The following HMGA2 variants were observed in gnomAD, a reference collection of about 807,000 sequenced individuals.
HMGA2 encodes high mobility group AT-hook 2, also known as high mobility group protein HMGI-C.
HMGA2 carries 8 observed loss-of-function variants against 19.1 expected under a neutral mutation model. The ratio of observed to expected loss-of-function variants is 0.42; its 90% CI spans 0.25 to 0.76. The LOEUF (loss-of-function observed/expected upper bound fraction) is 0.76. Ranked by LOEUF, HMGA2 falls within the 30% of genes least tolerant of loss-of-function variation. The pLI is 0.28. For synonymous variants in HMGA2, 60 were observed against 48.8 expected (o/e 1.23, Z -0.96); for missense variants, 109 against 136.3 (o/e 0.80, Z 1.00).
Position 65,825,212 on chromosome 12 carries a change from A to T in HMGA2, c.-59A>T. The T allele has an allele frequency of 7.1e-7, 1 of 1,417,444 alleles. No homozygotes were observed. 87.8% of individuals were successfully genotyped at this position (1,417,444 alleles called of 1,614,324 possible). A position where few individuals can be genotyped will look rare whatever the true frequency, so the allele number is the denominator to read the frequency against. On this transcript the variant is annotated 5_prime_UTR_variant, in exon 1 of 5. Transcript: ENST00000403681. The surrounding 1 kb of genome is among the most constrained non-coding windows in gnomAD (Gnocchi z 4.4). ...CCTCATCTCCCGAAAGGTGCTGGGC[A>T]GCTCCGGGGCGGTCGAGGCGAAGCG...
At chr12:65,916,021 T>C (rs1181400508) in intron 3 of HMGA2, among the ~76,000 whole-genome samples, 4 of 151,944 alleles carry the variant, frequency 2.6e-5, no homozygotes, top group Non-Finnish European at 5.9e-5. Flanking sequence ...TCCTAGGAGG[T>C]GAGAGTCCAG....
chr12:65,866,767 A>C (rs978010339), intron 3 of HMGA2: 17 of 453,150 alleles, frequency 3.8e-5, no homozygotes, highest in African/African-American at 3.1e-4. Flanking sequence ...TCTTTTCAGC[A>C]GTGCCAACTT....
intron 3 of HMGA2, among the ~76,000 whole-genome samples, chr12:65,863,791 G>A (rs1271603552): frequency 1.3e-5 from 2 of 152,164 alleles, no homozygotes; most frequent in East Asian, 3.9e-4. Context: ...AAAACATGAA[G>A]TATTCAAACC....
chr12:65,914,084 G>A (rs1213128025), intron 3 of HMGA2, among the ~76,000 whole-genome samples: 2 of 152,140 alleles, frequency 1.3e-5, no homozygotes, highest in Non-Finnish European at 2.9e-5. Context: ...AGTCAGTGTG[G>A]CGATTCCTCA....
intron 2 of HMGA2, among the ~76,000 whole-genome samples, chr12:65,835,421 G>A (rs1202152515): frequency 6.6e-6 from 1 of 152,150 alleles, no homozygotes; most frequent in African/African-American, 2.4e-5. Flanking sequence ...CTCCCAGATT[G>A]ACGCCACACA....
chr12:65,873,902 A>T (rs1031727662), intron 3 of HMGA2: 2 of 152,218 alleles, frequency 1.3e-5, no homozygotes, highest in African/African-American at 4.8e-5. Context: ...TATGGAATTC[A>T]AAAATCAGAC....
At chr12:65,856,267 T>A (rs1871737953) in intron 3 of HMGA2, 1 of 152,240 alleles carries the variant, frequency 6.6e-6, no homozygotes, top group Admixed American at 6.5e-5. Flanking sequence ...AATTTGAAAG[T>A]ATTAAAATGT....
intron 3 of HMGA2, among the ~76,000 whole-genome samples, chr12:65,938,366 C>T (rs1875968604): frequency 6.6e-6 from 1 of 152,146 alleles, no homozygotes; most frequent in Non-Finnish European, 1.5e-5. Context: ...TACCCAAAAG[C>T]ATACAGTAGG....
intron 3 of HMGA2, among the ~76,000 whole-genome samples, chr12:65,903,442 C>T (rs1021338817): frequency 6.6e-6 from 1 of 152,050 alleles, no homozygotes; most frequent in African/African-American, 2.4e-5. Flanking sequence ...TGCATAGGCT[C>T]ACAGTAAAAG....
intron 3 of HMGA2, among the ~76,000 whole-genome samples, chr12:65,906,517 G>A (rs1463646948): frequency 6.6e-6 from 1 of 152,198 alleles, no homozygotes; most frequent in African/African-American, 2.4e-5. Context: ...CTAAGCACAA[G>A]TGTCTTGCTA....
intron 3 of HMGA2, among the ~76,000 whole-genome samples, chr12:65,919,089 A>T (rs1875210700): frequency 6.6e-6 from 1 of 152,250 alleles, no homozygotes. Flanking sequence ...GGCAAACATC[A>T]GATAAGAACA....
intron 4 of HMGA2, chr12:65,958,852 A>G (rs965908851): frequency 6.6e-6 from 1 of 151,528 alleles, no homozygotes; most frequent in Non-Finnish European, 1.5e-5. Flanking sequence ...CTTTGCAGTT[A>G]AGAAAAAAAA....
chr12:65,832,691 G>T lies in HMGA2; in HGVS notation c.198+4604G>T, dbSNP rs530104138. ...TTTGTTCTGCCAACCAAGAGAAAAG[G>T]GGAAATAGAGAACTGTTATTTGTTA... On this transcript the variant is annotated intron_variant, in intron 2 of 4. Coordinates refer to ENST00000403681, the MANE Select transcript of HMGA2 (RefSeq NM_003483.6). Among the ~76,000 whole-genome samples, 211 of 152,064 alleles carry T rather than the reference G, an allele frequency of 1.4e-3. 2 individuals are homozygous for T. Among genetic ancestry groups the T allele is most frequent in the Non-Finnish European group, 8.4e-4 (57 of 67,866 alleles).
At chr12:65,914,956 T>G in intron 3 of HMGA2, 8 of 1,502,442 alleles carry the variant, frequency 5.3e-6, no homozygotes, top group Non-Finnish European at 6.4e-6. Flanking sequence ...AATACAGGCG[T>G]GAGCCATCGT....
chr12:65,955,370 A>G (rs1876577101), intron 4 of HMGA2: 2 of 152,128 alleles, frequency 1.3e-5, no homozygotes, highest in Non-Finnish European at 2.9e-5. Flanking sequence ...TTGTTACTCA[A>G]GTTTTTACTT....
chr12:65,852,276 C>T (rs1335924823), intron 3 of HMGA2, among the ~76,000 whole-genome samples: 2 of 152,200 alleles, frequency 1.3e-5, no homozygotes, highest in African/African-American at 4.8e-5. Flanking sequence ...GCAGGTGGAT[C>T]ACCTGAGGTC....
chr12:65,880,955 G>A (rs1038904916), intron 3 of HMGA2, among the ~76,000 whole-genome samples: 3 of 152,102 alleles, frequency 2.0e-5, no homozygotes, highest in Non-Finnish European at 4.4e-5. Context: ...AAAACCACTC[G>A]TAAATATCAG....
chr12:65,886,363 C>CTT (rs766865222), intron 3 of HMGA2, among the ~76,000 whole-genome samples: 80 of 138,248 alleles, frequency 5.8e-4, no homozygotes, highest in Admixed American at 1.2e-3. Flanking sequence ...CTTTTTCTCT[C>CTT]TTTTTTTTTT....
At chr12:65,868,086 A>C (rs1280077352) in intron 3 of HMGA2, among the ~76,000 whole-genome samples, 1 of 152,176 alleles carries the variant, frequency 6.6e-6, no homozygotes, top group African/African-American at 2.4e-5. Context: ...ATCTTTATGC[A>C]TCTGAGAGGG....
Sources: allele counts gnomAD v4.1 joint callset (sites outside exome capture counted in the v4.1 genomes callset), GRCh38; gene constraint gnomAD v4.1.1; non-coding constraint Gnocchi (gnomAD v3.1); transcripts MANE v1.5; gene names NCBI Gene and HGNC (gene_info 2026-07-23, HGNC 2026-07-21).